ATP1A3: variants seen among roughly 807,000 people sequenced by gnomAD.
ATP1A3 encodes sodium/potassium-transporting ATPase subunit alpha-3.
A neutral mutation model predicts 108.8 loss-of-function variants in ATP1A3; 12 were observed. That is an observed-to-expected ratio of 0.11 (90% CI 0.07 to 0.18). The LOEUF (loss-of-function observed/expected upper bound fraction) is 0.18. ATP1A3 is among the 10% of genes least tolerant of loss of function. The pLI is 1.00. For missense variants in ATP1A3, 498 were observed against 1,387.7 expected, an observed-to-expected ratio of 0.36 and a Z score of 10.19; for synonymous variants, 539 against 564.5, an observed-to-expected ratio of 0.95 and a Z score of 0.64.
chr19:41,988,172 C>T lies in ATP1A3; in HGVS notation c.154-33G>A. 6.2e-7 allele frequency: 1 copy of T among 1,613,946 alleles called. No homozygotes were observed. Among genetic ancestry groups the T allele is most frequent in the Non-Finnish European group, 8.5e-7 (1 of 1,179,870 alleles). On this transcript the variant is annotated intron_variant, in intron 3 of 22. Coordinates refer to ENST00000648268, the MANE Select transcript of ATP1A3 (RefSeq NM_152296.5). This position sits in a 1 kb window ranked among gnomAD's most constrained non-coding sequence, Gnocchi z 5.3. ...ACAGAGGACTCACACAGAACCCTCC[C>T]TGGGCAACCCTGGCACCCCAGGCCT...
At chr19:41,970,582 G>A in intron 16 of ATP1A3, 40 bp from the exon 17 acceptor site, 1 of 1,613,212 alleles carries the variant, frequency 6.2e-7, no homozygotes, top group Non-Finnish European at 8.5e-7. Context: ...CCCATGCCAG[G>A]GAGCCCCACT....
intron 8 of ATP1A3, among the ~76,000 whole-genome samples, chr19:41,982,715 T>C (rs1422724761): frequency 1.3e-5 from 2 of 152,060 alleles, no homozygotes; most frequent in Non-Finnish European, 2.9e-5. Flanking sequence ...AATACTAACA[T>C]TGATAAAAAC....
In ATP1A3 at chr19:41,977,087, C is replaced by T. The variant is rs151241542; in HGVS notation, c.1944-521G>A. ...CCTCCCAAAATGCTGGGATTACAGG[C>T]GTGAGCCACTGCGCCCAGCCAAGAC... On this transcript the variant is annotated intron_variant, in intron 14 of 22. Coordinates refer to ENST00000648268, the MANE Select transcript of ATP1A3 (RefSeq NM_152296.5). Among the ~76,000 whole-genome samples the T allele has an allele frequency of 7.6e-3, 1,152 of 151,658 alleles. 13 individuals carry two copies. The highest frequency in any genetic ancestry group is 0.026 in the African/African-American group (1,087 of 41,340).
chr19:41,969,288 T>G (rs2075076693), intron 19 of ATP1A3, 147 bp downstream of exon 19: 2 of 1,382,752 alleles, frequency 1.4e-6, no homozygotes, highest in Non-Finnish European at 2.0e-6. Context: ...GCCAAGGGCA[T>G]CCAGGAAGCC....
At chr19:41,972,835 A>C (rs2075125266) in intron 16 of ATP1A3, among the ~76,000 whole-genome samples, 3 of 136,496 alleles carry the variant, frequency 2.2e-5, no homozygotes, top group African/African-American at 8.5e-5. Context: ...GGAAGGAAGG[A>C]AGGAAGGAAG....
Position 41,967,011 on chromosome 19 carries a change from G to C in ATP1A3, c.3014-46C>G. On this transcript the variant is annotated intron_variant, in intron 22 of 22. Coordinates refer to ENST00000648268, the MANE Select transcript of ATP1A3 (RefSeq NM_152296.5). The surrounding 1 kb of genome is among the most constrained non-coding windows in gnomAD (Gnocchi z 4.2). ...AGAAAGAGACAGAGTAAGAGATGGA[G>C]AGAGACAGGCAAGGCGAGCCGCCCA... 6.4e-7 allele frequency: 1 copy of C among 1,551,676 alleles called. No homozygotes were observed. Among genetic ancestry groups the C allele is most frequent in the Non-Finnish European group, 8.7e-7 (1 of 1,146,978 alleles).
intron 11 of ATP1A3, among the ~76,000 whole-genome samples, chr19:41,980,336 G>A (rs1334520420): frequency 2.6e-5 from 4 of 152,172 alleles, no homozygotes; most frequent in African/African-American, 4.8e-5. Flanking sequence ...TGAATGGGCC[G>A]GGCATGATGG....
intron 16 of ATP1A3, among the ~76,000 whole-genome samples, chr19:41,974,590 A>G (rs1255701246): frequency 3.9e-5 from 6 of 152,192 alleles, no homozygotes; most frequent in Non-Finnish European, 8.8e-5. Context: ...TTTACCATGA[A>G]CTACTTTTTA....
chr19:41,971,373 C>T (rs782143159), intron 16 of ATP1A3, among the ~76,000 whole-genome samples: 2 of 152,160 alleles, frequency 1.3e-5, no homozygotes, highest in African/African-American at 2.4e-5. Context: ...CCCCACCCCA[C>T]CGACCGAGTA....
chr19:41,992,409 C>A (rs1334012923), intron 1 of ATP1A3, among the ~76,000 whole-genome samples: 1 of 152,118 alleles, frequency 6.6e-6, no homozygotes, highest in Non-Finnish European at 1.5e-5. Flanking sequence ...CTCTGCAGCT[C>A]CTTGCCATTT....
At chr19:41,975,547 T>A in intron 16 of ATP1A3, 82 bp downstream of exon 16, 1 of 1,582,080 alleles carries the variant, frequency 6.3e-7, no homozygotes, top group Non-Finnish European at 8.6e-7. Context: ...CACATCCCCC[T>A]GCAGCCCTGG....
chr19:41,966,919 G>T lies in ATP1A3; in HGVS notation c.*18C>A, dbSNP rs1361805451. ...CCTGGGGGACGGGGAAGAGATGGGC[G>T]ATGTGGTGGGGCTGAGGTCAGTAGT... On this transcript the variant is annotated 3_prime_UTR_variant, in exon 23 of 23. Transcript: ENST00000648268. 4 of 1,551,398 alleles carry T rather than the reference G, an allele frequency of 2.6e-6. No individual in the cohort carries two copies. The highest frequency in any genetic ancestry group is 3.9e-5 in the Admixed American group (2 of 50,966).
In ATP1A3 at chr19:41,981,866, G is replaced by A. The variant is rs1555863562; in HGVS notation, c.1193-35C>T. 6.2e-7 allele frequency: 1 copy of A among 1,614,228 alleles called. No individual in the cohort carries two copies. The highest frequency in any genetic ancestry group is 2.2e-5 in the East Asian group (1 of 44,884). On this transcript the variant is annotated intron_variant, in intron 9 of 22. Coordinates refer to ENST00000648268, the MANE Select transcript of ATP1A3 (RefSeq NM_152296.5). This position sits in a 1 kb window ranked among gnomAD's most constrained non-coding sequence, Gnocchi z 5.0. ...GCATGTGTGAGGGCCAGGGACTCCT[G>A]GAGCCAGGCCCCCATGGTCCTCACC...
intron 8 of ATP1A3, among the ~76,000 whole-genome samples, chr19:41,982,589 G>C (rs2075245267): frequency 6.6e-6 from 1 of 151,280 alleles, no homozygotes; most frequent in Non-Finnish European, 1.5e-5. Flanking sequence ...TCGTGACACT[G>C]CACTCCAGCC....
chr19:41,987,784 T>C (rs1555865904), intron 4 of ATP1A3, 152 bp downstream of exon 4: 2 of 1,078,354 alleles, frequency 1.9e-6, no homozygotes, highest in East Asian at 5.0e-5. Context: ...GCCTTGTATT[T>C]GATCTGGTTC....
Position 41,968,135 on chromosome 19 carries a change from CA to C in ATP1A3, c.2820-373del, listed in dbSNP as rs1234714749. 6.6e-6 allele frequency among the ~76,000 whole-genome samples: 1 copy of C among 151,920 alleles called. No homozygotes were observed. The highest frequency in any genetic ancestry group is 1.5e-5 in the Non-Finnish European group (1 of 67,986). On this transcript the variant is annotated intron_variant, in intron 20 of 22. Transcript: ENST00000648268. The surrounding 1 kb of genome is among the most constrained non-coding windows in gnomAD (Gnocchi z 5.0). ...AGGCACTGGTATAAAAAGAAAAGGC[CA>C]GGGGCACCTCCACCACACACACAGA...
At chr19:41,976,334 A>G (rs1008765122) in intron 15 of ATP1A3, 82 bp downstream of exon 15, 45 of 1,575,172 alleles carry the variant, frequency 2.9e-5, no homozygotes, top group Non-Finnish European at 3.9e-5. Flanking sequence ...CTCCTCCCTC[A>G]GACCCAGGAA....
At chr19:41,993,933 G>C (rs2075363771) in intron 1 of ATP1A3, 138 bp downstream of exon 1, 1 of 1,490,152 alleles carries the variant, frequency 6.7e-7, no homozygotes, top group African/African-American at 1.4e-5. Context: ...TGGATTGGCT[G>C]GGTCAGCCGG....
intron 1 of ATP1A3, chr19:41,992,925 A>T: frequency 6.1e-6 from 1 of 163,898 alleles, no homozygotes; most frequent in Admixed American, 6.3e-5. Flanking sequence ...CATCCCACTT[A>T]CCTGACAGCC....
Sources: gnomAD v4.1 joint callset for allele counts (sites outside exome capture counted in the v4.1 genomes callset) on GRCh38, gnomAD v4.1.1 for gene constraint, Gnocchi (gnomAD v3.1) non-coding constraint, MANE v1.5 for transcripts, NCBI Gene and HGNC (gene_info 2026-07-23, HGNC 2026-07-21) for gene names.